LRIF1: variants seen among roughly 807,000 people sequenced by gnomAD.
LRIF1 encodes the protein ligand dependent nuclear receptor interacting factor 1.
In LRIF1, 32 loss-of-function variants were observed where a neutral mutation model predicts 52.7. The ratio of observed to expected loss-of-function variants is 0.61; its 90% confidence interval spans 0.46 to 0.82. The LOEUF (loss-of-function observed/expected upper bound fraction) is 0.82. Ranked by LOEUF, LRIF1 falls within the 40% of genes least tolerant of loss-of-function variation. The pLI, the probability that LRIF1 is intolerant of heterozygous loss-of-function variation, is 0.00. For synonymous variants in LRIF1, 323 were observed against 317.4 expected, an observed-to-expected ratio of 1.02 and a Z score of -0.19; for missense variants, 887 against 892.0, an observed-to-expected ratio of 0.99 and a Z score of 0.07.
the LRIF1 span, among the ~76,000 whole-genome samples, chr1:110,889,155 C>T: frequency 1.3e-5 from 2 of 152,062 alleles, no homozygotes; most frequent in African/African-American, 4.8e-5. Flanking sequence ...ATTATTTATT[C>T]ATAGATGTGT....
chr1:110,897,830 C>G, the LRIF1 span: 3 of 1,610,918 alleles, frequency 1.9e-6, no homozygotes, highest in Non-Finnish European at 2.5e-6. Context: ...GAAAGCAAGA[C>G]TGTGGTTTCA....
downstream of LRIF1, chr1:110,943,452 T>C (rs952096403): frequency 6.6e-6 from 1 of 152,146 alleles, no homozygotes; most frequent in South Asian, 2.1e-4. Context: ...AAAAGGAGGC[T>C]AAATTTAAGT....
chr1:110,919,943 A>G, the LRIF1 span, among the ~76,000 whole-genome samples: 1 of 152,216 alleles, frequency 6.6e-6, no homozygotes, highest in Non-Finnish European at 1.5e-5. Context: ...ATAAACATAT[A>G]AAAAGATGTT....
downstream of LRIF1, among the ~76,000 whole-genome samples, chr1:110,946,817 C>A (rs1712691): frequency 2.6e-5 from 4 of 152,098 alleles, no homozygotes; most frequent in Admixed American, 1.3e-4. Flanking sequence ...CCACTGTGCC[C>A]GACTAATTTT....
At chr1:110,956,579 C>G (rs555697402) in intron 1 of LRIF1, among the ~76,000 whole-genome samples, 3 of 152,248 alleles carry the variant, frequency 2.0e-5, no homozygotes, top group African/African-American at 7.2e-5. Flanking sequence ...ATTTAGAAAA[C>G]AGGATGCGTG....
At chr1:110,909,782 T>C in the LRIF1 span, among the ~76,000 whole-genome samples, 4 of 151,994 alleles carry the variant, frequency 2.6e-5, no homozygotes, top group Admixed American at 1.3e-4. Context: ...GGTTTCTCCA[T>C]GTTGGTCAGG....
the LRIF1 span, among the ~76,000 whole-genome samples, chr1:110,909,495 A>G: frequency 1.8e-4 from 27 of 152,192 alleles, no homozygotes; most frequent in South Asian, 1.0e-3. Flanking sequence ...CTCACATGCA[A>G]TGACACATAT....
the LRIF1 span, chr1:110,938,598 T>C: frequency 3.3e-5 from 5 of 152,216 alleles, no homozygotes; most frequent in Non-Finnish European, 7.3e-5. Flanking sequence ...CCATAGCTAG[T>C]ATCATACTGA....
At chr1:110,885,406 C>T in the LRIF1 span, among the ~76,000 whole-genome samples, 31,108 of 152,010 alleles carry the variant, frequency 0.2, 3,420 homozygotes, top group Non-Finnish European at 0.24. Context: ...GACGTGGTGG[C>T]AGGCGCCTGT....
chr1:110,888,286 T>C, the LRIF1 span, among the ~76,000 whole-genome samples: 1 of 152,240 alleles, frequency 6.6e-6, no homozygotes, highest in South Asian at 2.1e-4. Flanking sequence ...CCGCTGCGAA[T>C]CTCTGGGGTT....
downstream of LRIF1, chr1:110,943,423 A>G (rs185582433): frequency 6.6e-6 from 1 of 152,190 alleles, no homozygotes; most frequent in East Asian, 1.9e-4. Context: ...CAAAGCTTTA[A>G]TAAGGAGCAG....
the LRIF1 span, among the ~76,000 whole-genome samples, chr1:110,878,830 T>C: frequency 6.6e-6 from 1 of 152,236 alleles, no homozygotes; most frequent in South Asian, 2.1e-4. Flanking sequence ...AAATGTGTTC[T>C]AATAACGTAT....
chr1:110,958,594 T>A (rs775767292), intron 1 of LRIF1, among the ~76,000 whole-genome samples: 14 of 152,168 alleles, frequency 9.2e-5, no homozygotes, highest in Non-Finnish European at 1.6e-4. Context: ...TAAAAAAAAC[T>A]ATACTGTGTG....
At chr1:110,891,324 T>C in the LRIF1 span, 2 of 1,069,424 alleles carry the variant, frequency 1.9e-6, no homozygotes, top group South Asian at 2.5e-5. Flanking sequence ...CCCTGAACAT[T>C]TGTGCACTCT....
the LRIF1 span, among the ~76,000 whole-genome samples, chr1:110,887,280 C>T: frequency 2.6e-5 from 4 of 151,740 alleles, no homozygotes; most frequent in Non-Finnish European, 5.9e-5. Flanking sequence ...TAGCCAGGAT[C>T]GTCTCGATCT....
At chr1:110,941,122 A>G in the LRIF1 span, 1 of 152,230 alleles carries the variant, frequency 6.6e-6, no homozygotes, top group East Asian at 1.9e-4. Flanking sequence ...GTACTCACAA[A>G]AATTAAAAAT....
chr1:110,876,907 C>T, the LRIF1 span, among the ~76,000 whole-genome samples: 1 of 152,122 alleles, frequency 6.6e-6, no homozygotes. Context: ...TCTCATTTGA[C>T]AGTAATTAGT....
At position 110,948,100 on chromosome 1, in the gene LRIF1, A is replaced by G. The variant is rs1165076060; in HGVS notation, c.2169T>C (p.Asn723=). Residue 723 remains asparagine (N), a synonymous_variant, in exon 4 of 4, where the codon AAT becomes AAC. Transcript: ENST00000369763. The stretch of plus-strand genomic sequence containing the variant: ...TCACTGGGAAAATATCTTCGGTATA[A>G]TTTTTATTGAAGAAATGACTTTGTT... The part of the protein sequence containing the change: ...AYEQSHFFNK[N]YTEDIFPVTP... The G allele has an allele frequency of 6.2e-7, 1 of 1,614,054 alleles. No individual in the cohort carries two copies. Among genetic ancestry groups the G allele is most frequent in the Non-Finnish European group, 8.5e-7 (1 of 1,179,994 alleles).
the LRIF1 span, chr1:110,896,723 G>A: frequency 1.6e-4 from 255 of 1,612,620 alleles, no homozygotes; most frequent in African/African-American, 2.2e-3. Flanking sequence ...CCCTCAGATC[G>A]AAAAGTGGAG....
Sources: gnomAD v4.1 joint callset for allele counts (sites outside exome capture counted in the v4.1 genomes callset) on GRCh38, gnomAD v4.1.1 for gene constraint, MANE v1.5 for transcripts, NCBI Gene and HGNC (gene_info 2026-07-23, HGNC 2026-07-21) for gene names.